FAF2: variants seen among roughly 807,000 people sequenced by gnomAD.
FAF2 encodes the protein Fas associated factor family member 2, also known as FAS-associated factor 2.
In FAF2, 9 loss-of-function variants were observed where a neutral mutation model predicts 62.3. The ratio of observed to expected loss-of-function variants is 0.14; its 90% CI spans 0.09 to 0.25. The LOEUF (loss-of-function observed/expected upper bound fraction) is 0.25. FAF2 is among the 10% of genes least tolerant of loss of function. The probability of loss-of-function intolerance (pLI) is 1.00; values close to 1 mark genes in which losing one functional copy is unlikely to be tolerated. For missense variants in FAF2, 368 were observed against 556.2 expected (o/e 0.66, Z 3.40); for synonymous variants, 202 against 198.0 (o/e 1.02, Z -0.17).
chr5:176,505,258 A>C (rs1168765933), intron 10 of FAF2, among the ~76,000 whole-genome samples: 3 of 152,166 alleles, frequency 2.0e-5, no homozygotes, highest in East Asian at 3.9e-4. Context: ...CTAGATGGAG[A>C]GGCCACAGAG....
At chr5:176,466,485 G>T (rs566544712) in intron 1 of FAF2, among the ~76,000 whole-genome samples, 1 of 152,360 alleles carries the variant, frequency 6.6e-6, no homozygotes, top group South Asian at 2.1e-4. Flanking sequence ...AGTATAAACA[G>T]ATGAGATATG....
intron 1 of FAF2, among the ~76,000 whole-genome samples, chr5:176,456,152 A>G (rs913464124): frequency 2.6e-5 from 4 of 151,928 alleles, no homozygotes; most frequent in African/African-American, 7.3e-5. Flanking sequence ...GCTCACTGCA[A>G]CCTCCACCTC....
chr5:176,499,116 T>A, intron 9 of FAF2, 31 bp downstream of exon 9: 1 of 1,531,976 alleles, frequency 6.5e-7, no homozygotes, highest in South Asian at 1.2e-5. Flanking sequence ...CTCCCTGTGG[T>A]TCCCAAACTG....
At chr5:176,457,656 G>GTT (rs1457783622) in intron 1 of FAF2, among the ~76,000 whole-genome samples, 1 of 150,914 alleles carries the variant, frequency 6.6e-6, no homozygotes, top group Non-Finnish European at 1.5e-5. Flanking sequence ...TTTCAGGGGT[G>GTT]TGTGTGTGTG....
At chr5:176,461,470 A>G (rs1340627192) in intron 1 of FAF2, among the ~76,000 whole-genome samples, 1 of 151,332 alleles carries the variant, frequency 6.6e-6, no homozygotes, top group Non-Finnish European at 1.5e-5. Flanking sequence ...GGTGTACACC[A>G]CCACACTGGG....
chr5:176,478,182 T>C (rs1758734859), intron 1 of FAF2, among the ~76,000 whole-genome samples: 1 of 152,104 alleles, frequency 6.6e-6, no homozygotes, highest in Non-Finnish European at 1.5e-5. Flanking sequence ...TGAACGGAAA[T>C]AGTGAGAAAA....
intron 1 of FAF2, among the ~76,000 whole-genome samples, chr5:176,476,502 A>T (rs182970225): frequency 4.6e-5 from 7 of 152,282 alleles, no homozygotes. Flanking sequence ...AGAAGGCAAT[A>T]GAATGAATGT....
chr5:176,486,266 T>G, intron 2 of FAF2, 89 bp from the exon 3 acceptor site: 1 of 1,529,010 alleles, frequency 6.5e-7, no homozygotes, highest in Non-Finnish European at 8.9e-7. Flanking sequence ...CCATCCTGTT[T>G]TGGAATACCA....
intron 8 of FAF2, among the ~76,000 whole-genome samples, 182 bp from the exon 9 acceptor site, chr5:176,498,732 G>T (rs965962653): frequency 6.6e-6 from 1 of 152,058 alleles, no homozygotes; most frequent in East Asian, 1.9e-4. Context: ...TGAGAAAAAA[G>T]GTGGCTTATT....
chr5:176,452,788 T>C (rs1255207879), intron 1 of FAF2, among the ~76,000 whole-genome samples: 4 of 152,162 alleles, frequency 2.6e-5, no homozygotes, highest in African/African-American at 9.7e-5. Context: ...TAAACTTTAA[T>C]CTGTAGATGA....
intron 5 of FAF2, among the ~76,000 whole-genome samples, chr5:176,493,794 C>G (rs1309315754): frequency 6.6e-6 from 1 of 152,184 alleles, no homozygotes; most frequent in South Asian, 2.1e-4. Context: ...TTCATTAAAG[C>G]TTGTTAGCGT....
rs750686615 is a variant in FAF2, at chr5:176,494,238, C to T, written c.624C>T (p.Phe208=). 6.2e-7 allele frequency: 1 copy of T among 1,613,962 alleles called. No individual in the cohort carries two copies. The highest frequency in any genetic ancestry group is 1.3e-5 in the African/African-American group (1 of 75,038). Reference sequence around the variant, plus strand: ...CACTAATAAACACTAGGATGCTCTTCTGGGCATGCTCTACAAACAAACCTG... The same window carrying T: ...CACTAATAAACACTAGGATGCTCTTTTGGGCATGCTCTACAAACAAACCTG... ...VISLINTRML[F]WACSTNKPEG... Residue 208 remains phenylalanine (F), a synonymous_variant, in exon 7 of 11, where the codon TTC becomes TTT. Coordinates refer to ENST00000261942, the MANE Select transcript of FAF2 (RefSeq NM_014613.3). The surrounding 1 kb of genome is among the most constrained non-coding windows in gnomAD (Gnocchi z 4.0).
chr5:176,489,110 T>C, intron 4 of FAF2, 83 bp downstream of exon 4: 1 of 1,004,620 alleles, frequency 1.0e-6, no homozygotes, highest in East Asian at 2.5e-5. Context: ...TTATGCTCTA[T>C]CAATGTTGAC....
intron 2 of FAF2, among the ~76,000 whole-genome samples, chr5:176,485,405 T>G (rs968840554): frequency 1.3e-5 from 2 of 152,214 alleles, no homozygotes; most frequent in African/African-American, 4.8e-5. Flanking sequence ...GCTTTCACCC[T>G]AAGACTACTG....
chr5:176,474,089 G>C (rs1005490758), intron 1 of FAF2, among the ~76,000 whole-genome samples: 4 of 152,218 alleles, frequency 2.6e-5, no homozygotes, highest in African/African-American at 7.2e-5. Context: ...CCTTTCAGCT[G>C]ACTGAGCAAG....
Position 176,494,053 on chromosome 5 carries a change from G to A in FAF2, c.538G>A (p.Asp180Asn). The A allele has an allele frequency of 6.2e-7, 1 of 1,614,068 alleles. No individual in the cohort carries two copies. The highest frequency in any genetic ancestry group is 8.5e-7 in the Non-Finnish European group (1 of 1,179,994). The change falls in exon 6 of 11, where the codon GAT becomes AAT. Residue 180 changes from aspartate to asparagine, a missense_variant. By Grantham distance (23) the Asp-to-Asn change is conservative. Transcript: ENST00000261942. The surrounding 1 kb of genome is among the most constrained non-coding windows in gnomAD (Gnocchi z 4.0). ...CTTTCTTTTGGTTTATCTTCATGGA[G>A]ATGATCACCAGGACTCTGATGAGTT... is the stretch of plus-strand genomic sequence containing the variant. ...LRFLLVYLHG[D>N]DHQDSDEFCR...
intron 2 of FAF2, among the ~76,000 whole-genome samples, chr5:176,483,479 T>C (rs1045163160): frequency 6.6e-6 from 1 of 152,218 alleles, no homozygotes; most frequent in African/African-American, 2.4e-5. Flanking sequence ...TTCTTTTGCA[T>C]GTGGATATCC....
intron 10 of FAF2, among the ~76,000 whole-genome samples, chr5:176,506,006 C>G (rs536312452): frequency 6.6e-6 from 1 of 151,814 alleles, no homozygotes; most frequent in Non-Finnish European, 1.5e-5. Context: ...CTGGCTAACA[C>G]GGTGAAACCC....
In FAF2 at chr5:176,509,059, G is replaced by A. The variant is rs1755734101; in HGVS notation, c.*2109G>A. ...AGTTGTTCAGTGAAGGAAGTCAGCT[G>A]CCAGAATATTAAGAAGGGTCTCCCT... On this transcript the variant is annotated 3_prime_UTR_variant, in exon 11 of 11. Coordinates refer to ENST00000261942, the MANE Select transcript of FAF2 (RefSeq NM_014613.3). 1 of 152,132 alleles carries A rather than the reference G, an allele frequency of 6.6e-6. No homozygotes were observed. The highest frequency in any genetic ancestry group is 6.5e-5 in the Admixed American group (1 of 15,272). 9.4% of individuals were successfully genotyped at this position (152,132 alleles called of 1,614,324 possible). A position where few individuals can be genotyped will look rare whatever the true frequency, so the allele number is the denominator to read the frequency against.
Sources: allele counts gnomAD v4.1 joint callset (sites outside exome capture counted in the v4.1 genomes callset), GRCh38; gene constraint gnomAD v4.1.1; non-coding constraint Gnocchi (gnomAD v3.1); transcripts MANE v1.5; gene names NCBI Gene and HGNC (gene_info 2026-07-23, HGNC 2026-07-21).